The following LIPC variants were observed in gnomAD, a reference collection of about 807,000 sequenced individuals.
LIPC encodes hepatic triacylglycerol lipase.
LIPC carries 44 observed loss-of-function variants against 50.7 expected under a neutral mutation model. The observed-to-expected ratio is 0.87, with a 90% confidence interval of 0.68 to 1.11. The LOEUF (loss-of-function observed/expected upper bound fraction) is 1.11, where lower values mean the gene tolerates loss of function less well. Ranked by LOEUF, LIPC falls within the 50% of genes most tolerant of loss-of-function variation. The pLI is 0.00. For synonymous variants in LIPC, 271 were observed against 256.4 expected (o/e 1.06, Z -0.54); for missense variants, 697 against 648.2 (o/e 1.08, Z -0.82).
chr15:58,548,662 G>A (rs1893632500), intron 6 of LIPC, 90 bp downstream of exon 6: 1 of 1,497,304 alleles, frequency 6.7e-7, no homozygotes, highest in South Asian at 1.2e-5. Context: ...TTTCCTGGAG[G>A]TGCTTCAGCT....
intron 1 of LIPC, among the ~76,000 whole-genome samples, chr15:58,487,748 C>G (rs572280438): frequency 6.6e-6 from 1 of 152,310 alleles, no homozygotes; most frequent in African/African-American, 2.4e-5. Flanking sequence ...CCTGGCACCT[C>G]TAACACATTA....
At chr15:58,527,063 G>T (rs142472036) in intron 1 of LIPC, among the ~76,000 whole-genome samples, 32 of 152,316 alleles carry the variant, frequency 2.1e-4, no homozygotes, top group African/African-American at 7.5e-4. Context: ...TGGGCAGGCA[G>T]CAGTCAGCTG....
intron 1 of LIPC, among the ~76,000 whole-genome samples, chr15:58,527,459 A>G (rs1892829455): frequency 6.6e-6 from 1 of 152,060 alleles, no homozygotes; most frequent in African/African-American, 2.4e-5. Context: ...CCTTCCCCCT[A>G]CATTTCATAA....
intron 1 of LIPC, among the ~76,000 whole-genome samples, chr15:58,441,323 T>C (rs765206611): frequency 8.5e-5 from 13 of 152,242 alleles, no homozygotes; most frequent in Non-Finnish European, 1.6e-4. Flanking sequence ...GAGCTTAATA[T>C]GAATCTTCCA....
At position 58,432,013 on chromosome 15, in the gene LIPC, AC is replaced by A. The variant is rs1237405215; in HGVS notation, c.-16del. 2 of 1,585,122 alleles carry A rather than the reference AC, an allele frequency of 1.3e-6. No homozygotes were observed. The highest frequency in any genetic ancestry group is 4.5e-5 in the East Asian group (2 of 44,746). ...TTCAGAAATTACCAAGAAAGCCTGGACCCCGGGTGAAACGGAGAAATGGACA... is the reference window on the plus strand; with the variant it reads ...TTCAGAAATTACCAAGAAAGCCTGGACCCGGGTGAAACGGAGAAATGGACA... On this transcript the variant is annotated 5_prime_UTR_variant, in exon 1 of 9. Transcript: ENST00000299022.
At chr15:58,549,684 T>C (rs1893678631) in intron 6 of LIPC, among the ~76,000 whole-genome samples, 1 of 152,204 alleles carries the variant, frequency 6.6e-6, no homozygotes, top group African/African-American at 2.4e-5. Flanking sequence ...ACTTTTGCTC[T>C]CCAGTCAGGT....
chr15:58,475,656 C>T (rs562214497), intron 1 of LIPC, among the ~76,000 whole-genome samples: 28 of 152,340 alleles, frequency 1.8e-4, no homozygotes, highest in African/African-American at 6.7e-4. Flanking sequence ...TCTGTCTCTA[C>T]CAGCAAACCA....
chr15:58,489,196 C>T (rs537339153), intron 1 of LIPC, among the ~76,000 whole-genome samples: 6 of 96,536 alleles, frequency 6.2e-5, no homozygotes, highest in Admixed American at 2.8e-4. Flanking sequence ...GAAATTCAAC[C>T]ATTAGGGATT....
At chr15:58,498,051 T>G (rs117702612) in intron 1 of LIPC, among the ~76,000 whole-genome samples, 44 of 152,204 alleles carry the variant, frequency 2.9e-4, no homozygotes, top group Non-Finnish European at 5.1e-4. Context: ...TTGCACACAC[T>G]AGGTGTTTAA....
chr15:58,510,088 A>C (rs764541062), intron 1 of LIPC, among the ~76,000 whole-genome samples: 1 of 152,226 alleles, frequency 6.6e-6, no homozygotes, highest in South Asian at 2.1e-4. Flanking sequence ...ATTACTAAAC[A>C]TGTATTTGCT....
intron 1 of LIPC, among the ~76,000 whole-genome samples, chr15:58,446,797 A>T (rs1416029062): frequency 6.6e-6 from 1 of 152,108 alleles, no homozygotes; most frequent in Admixed American, 6.6e-5. Context: ...GTGGCAAATG[A>T]CTGTTGCATG....
chr15:58,437,943 A>G (rs1893364177), intron 1 of LIPC, among the ~76,000 whole-genome samples: 1 of 152,074 alleles, frequency 6.6e-6, no homozygotes, highest in African/African-American at 2.4e-5. Context: ...CCCTGGAGAG[A>G]CGGGGGACAG....
At chr15:58,553,874 T>C (rs1486051084) in intron 6 of LIPC, among the ~76,000 whole-genome samples, 1 of 152,158 alleles carries the variant, frequency 6.6e-6, no homozygotes, top group Admixed American at 6.5e-5. Context: ...CTCAATCCTA[T>C]GATCTTCAGC....
chr15:58,490,522 T>C (rs1231365264), intron 1 of LIPC, among the ~76,000 whole-genome samples: 2 of 152,144 alleles, frequency 1.3e-5, no homozygotes, highest in African/African-American at 4.8e-5. Context: ...TGTAGTCTTC[T>C]CACCTCCGGA....
intron 1 of LIPC, among the ~76,000 whole-genome samples, chr15:58,479,614 A>G (rs1322115192): frequency 5.3e-5 from 8 of 152,188 alleles, no homozygotes; most frequent in African/African-American, 1.2e-4. Flanking sequence ...AATTTGTAGG[A>G]AAAAAATACT....
chr15:58,559,300 C>T (rs984393208), intron 6 of LIPC, among the ~76,000 whole-genome samples: 26 of 152,176 alleles, frequency 1.7e-4, no homozygotes, highest in African/African-American at 4.6e-4. Context: ...CATTGTGATA[C>T]GTCACCCCCA....
intron 1 of LIPC, among the ~76,000 whole-genome samples, chr15:58,503,380 A>G (rs551823798): frequency 6.6e-6 from 1 of 152,262 alleles, no homozygotes; most frequent in South Asian, 2.1e-4. Flanking sequence ...GTAGGACACT[A>G]AGAGTCAGGG....
intron 1 of LIPC, among the ~76,000 whole-genome samples, chr15:58,507,266 T>C (rs551610504): frequency 6.6e-6 from 1 of 152,012 alleles, no homozygotes; most frequent in Non-Finnish European, 1.5e-5. Flanking sequence ...AAGAGAAATA[T>C]ACTTTTCTTT....
In LIPC at chr15:58,548,505, C is replaced by A; in HGVS notation, c.984C>A (p.Val328=). The change falls in exon 6 of 9, where the codon GTC becomes GTA. Residue 328 remains valine, a synonymous_variant. Transcript: ENST00000299022. Reference sequence around the variant, plus strand: ...GCTGCAACACGCTGGGCTACCACGTCCGCCAGGAGCCGCGGAGCAAGAGCA... The same window carrying A: ...GCTGCAACACGCTGGGCTACCACGTACGCCAGGAGCCGCGGAGCAAGAGCA... The part of the protein sequence containing the change: ...KGRCNTLGYH[V]RQEPRSKSKR... The A allele has an allele frequency of 6.2e-7, 1 of 1,603,800 alleles. No individual in the cohort carries two copies. Among genetic ancestry groups the A allele is most frequent in the Non-Finnish European group, 8.5e-7 (1 of 1,174,780 alleles).
Sources: allele counts gnomAD v4.1 joint callset (sites outside exome capture counted in the v4.1 genomes callset), GRCh38; gene constraint gnomAD v4.1.1; transcripts MANE v1.5; gene names NCBI Gene and HGNC (gene_info 2026-07-23, HGNC 2026-07-21).